Variants in RELN observed in about 807,000 individuals in gnomAD.
RELN encodes the protein reelin.
A neutral mutation model predicts 427.6 loss-of-function variants in RELN; 108 were observed. That is an observed-to-expected ratio of 0.25 (90% CI 0.22 to 0.30). The LOEUF (loss-of-function observed/expected upper bound fraction) is 0.30. Among genes scored for constraint, RELN ranks in the 10% least tolerant of loss-of-function variants. The probability of loss-of-function intolerance (pLI) is 1.00; values close to 1 mark genes in which losing one functional copy is unlikely to be tolerated. For synonymous variants in RELN, 1,524 were observed against 1,513.4 expected, an observed-to-expected ratio of 1.01 and a Z score of -0.16; for missense variants, 3,715 against 4,302.8, an observed-to-expected ratio of 0.86 and a Z score of 3.82.
intron 61 of RELN, among the ~76,000 whole-genome samples, chr7:103,485,820 TTTGCA>T (rs1828419836): frequency 6.6e-6 from 1 of 152,220 alleles, no homozygotes; most frequent in Non-Finnish European, 1.5e-5. Context: ...TAGGCATATG[TTTGCA>T]TTGCTACAAA....
intron 2 of RELN, among the ~76,000 whole-genome samples, chr7:103,887,036 A>G (rs10227303): frequency 7.2e-5 from 11 of 152,092 alleles, no homozygotes; most frequent in Admixed American, 2.0e-4. Context: ...TACTACTGAG[A>G]GGTCTTTATT....
At chr7:103,714,206 C>T (rs55788097) in intron 8 of RELN, among the ~76,000 whole-genome samples, 39,268 of 152,020 alleles carry the variant, frequency 0.26, 5,224 homozygotes, top group South Asian at 0.38. Flanking sequence ...AACATGACTA[C>T]CTATATAAAT....
At chr7:103,591,718 T>C (rs988384164) in intron 27 of RELN, among the ~76,000 whole-genome samples, 1 of 152,170 alleles carries the variant, frequency 6.6e-6, no homozygotes, top group African/African-American at 2.4e-5. Context: ...ATTGCTGTTG[T>C]TTCTAACACA....
At chr7:103,572,632 G>A (rs1383276932) in intron 30 of RELN, among the ~76,000 whole-genome samples, 1 of 151,722 alleles carries the variant, frequency 6.6e-6, no homozygotes, top group Non-Finnish European at 1.5e-5. Flanking sequence ...CGCCCCCCAG[G>A]TTCACGCCAT....
intron 20 of RELN, among the ~76,000 whole-genome samples, chr7:103,624,649 A>C (rs912235184): frequency 4.6e-5 from 7 of 152,162 alleles, no homozygotes; most frequent in Admixed American, 4.6e-4. Context: ...GCTGGTCTCG[A>C]ACTCCTGACC....
intron 2 of RELN, among the ~76,000 whole-genome samples, chr7:103,900,791 G>A (rs180957011): frequency 1.3e-5 from 2 of 152,138 alleles, no homozygotes; most frequent in East Asian, 3.9e-4. Flanking sequence ...CTAGCTATAT[G>A]CAGAAAACTG....
intron 2 of RELN, among the ~76,000 whole-genome samples, chr7:103,871,434 T>C (rs1319682010): frequency 2.6e-5 from 4 of 152,152 alleles, no homozygotes. Context: ...TAAAGTAACA[T>C]GTAGATCACA....
intron 1 of RELN, among the ~76,000 whole-genome samples, chr7:103,943,490 G>T (rs575400628): frequency 6.6e-6 from 1 of 152,146 alleles, no homozygotes; most frequent in Admixed American, 6.5e-5. Context: ...AGACTCCTGA[G>T]GACTAACTAT....
intron 19 of RELN, among the ~76,000 whole-genome samples, chr7:103,634,386 C>G (rs118027383): frequency 0.021 from 3,162 of 152,210 alleles, 47 homozygotes; most frequent in Non-Finnish European, 0.03. Context: ...TCCTCCTCAT[C>G]CCTTGATATT....
intron 1 of RELN, among the ~76,000 whole-genome samples, chr7:103,954,790 G>T (rs1290745411): frequency 1.3e-5 from 2 of 152,162 alleles, no homozygotes; most frequent in African/African-American, 4.8e-5. Context: ...CAAAAATCAT[G>T]AGTTATTAAT....
chr7:103,711,343 C>T (rs1397633725), intron 8 of RELN, among the ~76,000 whole-genome samples: 1 of 152,204 alleles, frequency 6.6e-6, no homozygotes, highest in East Asian at 1.9e-4. Flanking sequence ...TGGACCCACA[C>T]AACTCAGACC....
At chr7:103,590,877 C>T (rs1457256214) in intron 27 of RELN, among the ~76,000 whole-genome samples, 1 of 152,142 alleles carries the variant, frequency 6.6e-6, no homozygotes, top group Non-Finnish European at 1.5e-5. Context: ...TAGAGCTTTC[C>T]TCCACATTCT....
chr7:103,893,145 G>A (rs901626623), intron 2 of RELN, among the ~76,000 whole-genome samples: 1 of 152,152 alleles, frequency 6.6e-6, no homozygotes, highest in African/African-American at 2.4e-5. Flanking sequence ...TGTGTTCACA[G>A]GTGACTCCAC....
At chr7:103,814,499 G>A (rs1792821806) in intron 3 of RELN, among the ~76,000 whole-genome samples, 1 of 152,136 alleles carries the variant, frequency 6.6e-6, no homozygotes, top group South Asian at 2.1e-4. Flanking sequence ...ATAAGGTCAT[G>A]GTTCATATAC....
rs1191025762 is a variant in RELN, at chr7:103,793,557, T to A, written c.474-16930A>T. Among the ~76,000 whole-genome samples, 24 of 152,184 alleles carry A rather than the reference T, an allele frequency of 1.6e-4. 1 individual carries two copies. Among genetic ancestry groups the A allele is most frequent in the Non-Finnish European group, 1.5e-5 (1 of 68,030 alleles). The stretch of plus-strand genomic sequence containing the variant: ...CTAAGCATCCAGGTGATAGTCCTGG[T>A]GATTATTACCAGCTCTGTCATTAGT... On this transcript the variant is annotated intron_variant, in intron 3 of 64. Transcript: ENST00000428762.
At chr7:103,794,213 C>T (rs574481686) in intron 3 of RELN, among the ~76,000 whole-genome samples, 1 of 152,264 alleles carries the variant, frequency 6.6e-6, no homozygotes, top group South Asian at 2.1e-4. Context: ...CCACTCTTGA[C>T]CGCTTAATTT....
chr7:103,898,514 G>C (rs1795011544), intron 2 of RELN, among the ~76,000 whole-genome samples: 1 of 151,850 alleles, frequency 6.6e-6, no homozygotes, highest in South Asian at 2.1e-4. Context: ...TTTATATAGT[G>C]TCAAATTGGT....
At chr7:103,508,781 A>C (rs57888584) in intron 51 of RELN, among the ~76,000 whole-genome samples, 3,951 of 152,328 alleles carry the variant, frequency 0.026, 189 homozygotes, top group African/African-American at 0.091. Context: ...AAATCTCCTT[A>C]AGCTGATAAG....
At chr7:103,775,273 T>C (rs920658898) in intron 4 of RELN, among the ~76,000 whole-genome samples, 27 of 152,170 alleles carry the variant, frequency 1.8e-4, no homozygotes, top group African/African-American at 6.0e-4. Flanking sequence ...TTTTAATATC[T>C]GTGCTCTCAA....
Sources: gnomAD v4.1 joint callset for allele counts (sites outside exome capture counted in the v4.1 genomes callset) on GRCh38, gnomAD v4.1.1 for gene constraint, MANE v1.5 for transcripts, NCBI Gene and HGNC (gene_info 2026-07-23, HGNC 2026-07-21) for gene names.